ANK1: variants seen among roughly 807,000 people sequenced by gnomAD.
The protein encoded by ANK1 is ankyrin-1.
ANK1 carries 51 observed loss-of-function variants against 210.4 expected under a neutral mutation model. The observed-to-expected ratio is 0.24, with a 90% confidence interval of 0.19 to 0.31. ANK1 has a LOEUF of 0.31. ANK1 is among the 10% of genes least tolerant of loss of function. ANK1 has a pLI of 1.00. For synonymous variants in ANK1, 967 were observed against 1,025.9 expected, an observed-to-expected ratio of 0.94 and a Z score of 1.10; for missense variants, 2,051 against 2,504.4, an observed-to-expected ratio of 0.82 and a Z score of 3.86.
rs1219053190 is a variant in ANK1, at chr8:41,654,683, A to G, written c.*1107T>C. ...AGCTGCGCTGTCAGGCTCTGTACGT[A>G]CTGCTAAATGTTTCTATTGGTTTGC... is the stretch of plus-strand genomic sequence containing the variant. On this transcript the variant is annotated 3_prime_UTR_variant, in exon 43 of 43. Transcript: ENST00000289734. The G allele has an allele frequency of 6.5e-6, 1 of 152,682 alleles. No individual in the cohort carries two copies. The highest frequency in any genetic ancestry group is 1.5e-5 in the Non-Finnish European group (1 of 68,040). 9.5% of individuals were successfully genotyped at this position (152,682 alleles called of 1,614,324 possible). A position where few individuals can be genotyped will look rare whatever the true frequency, so the allele number is the denominator to read the frequency against.
chr8:41,848,559 G>A (rs566611900), intron 1 of ANK1, among the ~76,000 whole-genome samples: 2 of 152,314 alleles, frequency 1.3e-5, no homozygotes, highest in East Asian at 3.9e-4. Context: ...TGGGGGTGCT[G>A]TCGTCTGTGC....
rs57641790 is a variant in ANK1, at chr8:41,827,718, TCACA to T, written c.126+68633_126+68636del. On this transcript the variant is annotated intron_variant, in intron 1 of 42. Transcript: ENST00000265709. Reference sequence around the variant, plus strand: ...CACACACACTCACACGCACACCCACTCACACTCACACACATCCACACACGCATAC... The same window carrying T: ...CACACACACTCACACGCACACCCACTCTCACACACATCCACACACGCATAC... 1.0e-3 allele frequency among the ~76,000 whole-genome samples: 137 copies of T among 130,868 alleles called. 1 individual carries two copies. The East Asian group carries it at 0.027, about 26-fold the overall frequency. 85.9% of individuals were successfully genotyped at this position (130,868 alleles called of 152,430 possible).
chr8:41,830,875 C>CACAA (rs1253033137), intron 1 of ANK1, among the ~76,000 whole-genome samples: 3 of 152,206 alleles, frequency 2.0e-5, no homozygotes, highest in African/African-American at 7.2e-5. Flanking sequence ...ATAATACTGT[C>CACAA]ATAACCTTTG....
chr8:41,783,923 G>A (rs967649281), intron 1 of ANK1, among the ~76,000 whole-genome samples: 7 of 152,058 alleles, frequency 4.6e-5, no homozygotes, highest in African/African-American at 1.7e-4. Context: ...AATGAGCTGT[G>A]CATGGTGGCA....
At chr8:41,858,053 C>T (rs114719491) in intron 1 of ANK1, among the ~76,000 whole-genome samples, 1 of 152,000 alleles carries the variant, frequency 6.6e-6, no homozygotes. Context: ...CATAGCAAGA[C>T]CCCCCATCTC....
chr8:41,661,112 G>A, intron 42 of ANK1: 1 of 397,032 alleles, frequency 2.5e-6, no homozygotes, highest in Non-Finnish European at 4.8e-6. Flanking sequence ...CTGGCCTAAA[G>A]CAATCCTTTT....
At chr8:41,830,490 T>C (rs952267935) in intron 1 of ANK1, among the ~76,000 whole-genome samples, 11 of 152,094 alleles carry the variant, frequency 7.2e-5, no homozygotes, top group African/African-American at 2.7e-4. Context: ...AAAAATGACC[T>C]ACATAACAAT....
In ANK1 at chr8:41,655,640, T is replaced by C. The variant is rs1805390003; in HGVS notation, c.*150A>G. On this transcript the variant is annotated 3_prime_UTR_variant, in exon 43 of 43. Coordinates refer to ENST00000289734, the MANE Select transcript of ANK1 (RefSeq NM_000037.4). ...TAGCAGGAGTCCCTTACAGAGGTCA[T>C]GCCGTCAGCCCAGAGGAATGTGTGC... The C allele has an allele frequency of 1.3e-6, 2 of 1,515,830 alleles. No homozygotes were observed. Among genetic ancestry groups the C allele is most frequent in the Admixed American group, 3.4e-5 (2 of 59,430 alleles). 93.9% of individuals were successfully genotyped at this position (1,515,830 alleles called of 1,614,324 possible).
chr8:41,870,777 C>G (rs1489337644), intron 1 of ANK1, among the ~76,000 whole-genome samples: 1 of 152,188 alleles, frequency 6.6e-6, no homozygotes, highest in Non-Finnish European at 1.5e-5. Context: ...AGGTTTTGTC[C>G]TTGTTGGAGG....
intron 1 of ANK1, among the ~76,000 whole-genome samples, chr8:41,872,854 C>T (rs967968840): frequency 2.6e-4 from 40 of 152,232 alleles, no homozygotes; most frequent in Admixed American, 1.6e-3. Flanking sequence ...CAGCCGCCCT[C>T]GCGAGCCACC....
chr8:41,720,512 G>C (rs1044383371), intron 9 of ANK1, among the ~76,000 whole-genome samples: 2 of 152,120 alleles, frequency 1.3e-5, no homozygotes, highest in Non-Finnish European at 2.9e-5. Context: ...CATTCACTTA[G>C]ACATTAATTC....
rs768302471 is a variant in ANK1 at position 41,672,811 on chromosome 8, G to C, written c.4639C>G (p.Leu1547Val). The stretch of plus-strand genomic sequence containing the variant: ...GTGGCCGCCAAGGGGATGGCGTCTA[G>C]GACGGCCACCTCATTCCAGTACTGG... ...ADQYWNEVAVLDAIPLAATEH... is the reference protein window; with the variant it reads ...ADQYWNEVAVVDAIPLAATEH... The change falls in exon 38 of 43, where the codon CTA becomes GTA. Residue 1547 changes from leucine (L) to valine (V), a missense_variant. Physicochemically the swap from Leu to Val is conservative, Grantham distance 32. Coordinates refer to ENST00000289734, the MANE Select transcript of ANK1 (RefSeq NM_000037.4). 8.7e-6 allele frequency: 14 copies of C among 1,608,558 alleles called. No homozygotes were observed. Among genetic ancestry groups the C allele is most frequent in the Middle Eastern group, 1.7e-4 (1 of 6,026 alleles).
chr8:41,737,546 C>T (rs1379752532), intron 2 of ANK1, among the ~76,000 whole-genome samples: 1 of 152,308 alleles, frequency 6.6e-6, no homozygotes, highest in East Asian at 1.9e-4. Flanking sequence ...TGCAAGGGGC[C>T]GCCTGAGTAG....
chr8:41,677,282 C>A (rs1180183780), intron 37 of ANK1, among the ~76,000 whole-genome samples: 1 of 152,040 alleles, frequency 6.6e-6, no homozygotes, highest in Non-Finnish European at 1.5e-5. Context: ...TGTTATTGAT[C>A]TTTTCAAATC....
chr8:41,832,227 T>C (rs1649396670), intron 1 of ANK1, among the ~76,000 whole-genome samples: 1 of 152,052 alleles, frequency 6.6e-6, no homozygotes, highest in Admixed American at 6.6e-5. Flanking sequence ...CTGCAAGACA[T>C]TATGGCTCCC....
At chr8:41,697,804 A>G in intron 24 of ANK1, 1 of 605,512 alleles carries the variant, frequency 1.7e-6, no homozygotes, top group Middle Eastern at 4.4e-4. Context: ...GGCTGCATCC[A>G]AGGACTGCGC....
At chr8:41,736,746 G>A (rs1444471285) in intron 2 of ANK1, among the ~76,000 whole-genome samples, 1 of 152,238 alleles carries the variant, frequency 6.6e-6, no homozygotes, top group Admixed American at 6.5e-5. Flanking sequence ...GGGACGGCCG[G>A]CCCCTGCTGT....
Position 41,659,154 on chromosome 8 carries a change from G to C in ANK1, c.*36+2276C>G, listed in dbSNP as rs186144044. 3.9e-3 allele frequency among the ~76,000 whole-genome samples: 591 copies of C among 152,356 alleles called. 10 individuals carry two copies. The highest frequency in any genetic ancestry group is 0.035 in the Admixed American group (541 of 15,302). On this transcript the variant is annotated intron_variant, in intron 42 of 42. Coordinates refer to ENST00000289734, the MANE Select transcript of ANK1 (RefSeq NM_000037.4). ...CACAAGCACTCTAACTCATCCCTGA[G>C]CAGAGCTTATCTGATGTCCATTCCC...
At chr8:41,687,765 G>A (rs1023797253) in intron 35 of ANK1, among the ~76,000 whole-genome samples, 2 of 152,322 alleles carry the variant, frequency 1.3e-5, no homozygotes, top group African/African-American at 4.8e-5. Flanking sequence ...CACATTCTGA[G>A]CCTTCACTTT....
Sources: allele counts gnomAD v4.1 joint callset (sites outside exome capture counted in the v4.1 genomes callset), GRCh38; gene constraint gnomAD v4.1.1; transcripts MANE v1.5; gene names NCBI Gene and HGNC (gene_info 2026-07-23, HGNC 2026-07-21).